The following SPRED2 variants were observed in gnomAD, a reference collection of about 807,000 sequenced individuals.
The protein encoded by SPRED2 is sprouty-related, EVH1 domain-containing protein 2.
Under a neutral mutation model 43.0 loss-of-function variants are expected in SPRED2, and 47 were observed. The observed-to-expected ratio is 1.09, with a 90% CI of 0.87 to 1.40. The LOEUF is 1.40. SPRED2 is among the 40% of genes most tolerant of loss of function. The pLI is 0.00. For synonymous variants in SPRED2, 225 were observed against 225.7 expected, an observed-to-expected ratio of 1.00 and a Z score of 0.03; for missense variants, 561 against 586.4, an observed-to-expected ratio of 0.96 and a Z score of 0.45.
At chr2:65,319,431 G>C (rs910449590) in intron 4 of SPRED2, among the ~76,000 whole-genome samples, 11 of 152,146 alleles carry the variant, frequency 7.2e-5, no homozygotes, top group African/African-American at 2.7e-4. Flanking sequence ...CTGAGGATGG[G>C]AGCAAGAGAA....
intron 1 of SPRED2, among the ~76,000 whole-genome samples, chr2:65,374,791 C>T (rs1259243752): frequency 2.0e-5 from 3 of 152,226 alleles, no homozygotes; most frequent in Admixed American, 1.3e-4. Flanking sequence ...AGCTTACAGA[C>T]GACTGACTTG....
At chr2:65,423,931 A>C (rs1165251547) in intron 1 of SPRED2, among the ~76,000 whole-genome samples, 2 of 152,096 alleles carry the variant, frequency 1.3e-5, no homozygotes, top group Non-Finnish European at 2.9e-5. Flanking sequence ...CTGGGATTAC[A>C]GGCATGTGCT....
intron 5 of SPRED2, among the ~76,000 whole-genome samples, chr2:65,315,282 A>T (rs4671125): frequency 6.6e-6 from 1 of 151,436 alleles, no homozygotes. Flanking sequence ...CTCAGGTTCC[A>T]TTTCTGTCGA....
intron 1 of SPRED2, among the ~76,000 whole-genome samples, chr2:65,401,941 A>ATG (rs1675909299): frequency 3.4e-5 from 3 of 88,744 alleles, no homozygotes; most frequent in African/African-American, 1.5e-4. Context: ...GCGCGCGCAC[A>ATG]CACACACACA....
At chr2:65,394,765 A>G (rs1192832870) in intron 1 of SPRED2, among the ~76,000 whole-genome samples, 1 of 152,184 alleles carries the variant, frequency 6.6e-6, no homozygotes, top group Non-Finnish European at 1.5e-5. Flanking sequence ...GCTTCCGATC[A>G]CAGTGAGGCG....
rs8827 is a variant in SPRED2, at chr2:65,313,771, C to G, written c.987G>C (p.Ala329=). 464,204 of 1,613,994 alleles carry G rather than the reference C, an allele frequency of 0.29. 78,335 individuals are homozygous for G. The highest frequency in any genetic ancestry group is 0.77 in the East Asian group (34,438 of 44,860). Residue 329 remains alanine (A), a synonymous_variant, in exon 6 of 6, where the codon GCG becomes GCC. Transcript: ENST00000356388. ...GGATGCAAGTTCTCACGGAGTCGGG[C>G]GCGTCCTGGCAGTGGCCCCGGCGGT... ...EENRRGHCQD[A]PDSVRTCIRR...
At chr2:65,339,119 TCCC>T (rs1674097054) in intron 2 of SPRED2, among the ~76,000 whole-genome samples, 1 of 33,822 alleles carries the variant, frequency 3.0e-5, no homozygotes, top group Non-Finnish European at 5.1e-5. Flanking sequence ...CAGCGCCCCC[TCCC>T]GGCCAGCCGC....
chr2:65,371,398 TAC>T (rs558927426), intron 1 of SPRED2, among the ~76,000 whole-genome samples: 6 of 152,308 alleles, frequency 3.9e-5, no homozygotes, highest in Admixed American at 2.0e-4. Context: ...TACTTAGATA[TAC>T]ACAGTGTCTT....
intron 4 of SPRED2, among the ~76,000 whole-genome samples, chr2:65,322,226 T>C (rs1251413774): frequency 8.4e-6 from 1 of 119,394 alleles, no homozygotes; most frequent in Non-Finnish European, 1.7e-5. Flanking sequence ...TTTGGTCTCC[T>C]TTCCTCTCTC....
intron 1 of SPRED2, among the ~76,000 whole-genome samples, chr2:65,348,179 A>T (rs986460631): frequency 2.6e-5 from 4 of 152,122 alleles, no homozygotes; most frequent in African/African-American, 7.2e-5. Flanking sequence ...TACTCCTCAC[A>T]TACCAACTGA....
intron 1 of SPRED2, among the ~76,000 whole-genome samples, chr2:65,356,232 G>A (rs1171028661): frequency 6.6e-6 from 1 of 152,088 alleles, no homozygotes; most frequent in Non-Finnish European, 1.5e-5. Context: ...ACTTTGAAAT[G>A]CATTTAAAAA....
Position 65,313,835 on chromosome 2 carries a change from C to T in SPRED2, c.923G>A (p.Arg308Gln), listed in dbSNP as rs760514097. 5 of 1,612,440 alleles carry T rather than the reference C, an allele frequency of 3.1e-6. No individual in the cohort carries two copies. The highest frequency in any genetic ancestry group is 1.7e-5 in the Admixed American group (1 of 60,004). ...RRRKEDGERS[R>Q]CVYCRDMFNH... ...GAACATGTCCCTGCAGTACACGCAC[C>T]GCGAGCGCTCTCCGTCCTCCTTCCG... Residue 308 changes from arginine (R) to glutamine (Q), a missense_variant, in exon 6 of 6, where the codon CGG becomes CAG. Physicochemically the swap from Arg to Gln is conservative, Grantham distance 43. Around this residue, in one of 6 missense-constraint regions of SPRED2, gnomAD observed 164 missense variants for 164.1 expected, o/e 1.00. Coordinates refer to ENST00000356388, the MANE Select transcript of SPRED2 (RefSeq NM_181784.3).
intron 1 of SPRED2, among the ~76,000 whole-genome samples, chr2:65,391,244 C>T (rs1464128066): frequency 7.0e-6 from 1 of 143,638 alleles, no homozygotes; most frequent in African/African-American, 2.5e-5. Flanking sequence ...CATTAATTGT[C>T]CAGAGTAGGA....
At chr2:65,391,209 C>CACACAT (rs1233277182) in intron 1 of SPRED2, among the ~76,000 whole-genome samples, 1 of 151,680 alleles carries the variant, frequency 6.6e-6, no homozygotes, top group Non-Finnish European at 1.5e-5. Flanking sequence ...CACACACACA[C>CACACAT]ACACACACAC....
At chr2:65,361,958 G>A (rs1674826970) in intron 1 of SPRED2, among the ~76,000 whole-genome samples, 1 of 152,150 alleles carries the variant, frequency 6.6e-6, no homozygotes, top group East Asian at 1.9e-4. Flanking sequence ...TGGGTACAGG[G>A]AACATGTGTT....
chr2:65,375,674 C>T (rs905056785), intron 1 of SPRED2, among the ~76,000 whole-genome samples: 11 of 152,166 alleles, frequency 7.2e-5, no homozygotes, highest in African/African-American at 1.9e-4. Flanking sequence ...AGAAAAGGTA[C>T]ATTTGTGGCA....
chr2:65,377,146 G>C (rs1391743560), intron 1 of SPRED2, among the ~76,000 whole-genome samples: 1 of 152,028 alleles, frequency 6.6e-6, no homozygotes, highest in African/African-American at 2.4e-5. Flanking sequence ...CAAACTTTTT[G>C]CTGTTAAAAA....
At chr2:65,376,627 T>A (rs910371742) in intron 1 of SPRED2, among the ~76,000 whole-genome samples, 4 of 152,036 alleles carry the variant, frequency 2.6e-5, no homozygotes, top group Non-Finnish European at 4.4e-5. Flanking sequence ...AATATTAATA[T>A]GTATTCTCTC....
At chr2:65,423,069 G>C (rs1676471409) in intron 1 of SPRED2, among the ~76,000 whole-genome samples, 1 of 152,198 alleles carries the variant, frequency 6.6e-6, no homozygotes, top group South Asian at 2.1e-4. Context: ...TAAACCTCTA[G>C]TCTAGCACTA....
Sources: allele counts gnomAD v4.1 joint callset (sites outside exome capture counted in the v4.1 genomes callset), GRCh38; gene constraint gnomAD v4.1.1; regional missense constraint gnomAD v4.1.1; transcripts MANE v1.5; gene names NCBI Gene and HGNC (gene_info 2026-07-23, HGNC 2026-07-21).